GRIK1: variants seen among roughly 807,000 people sequenced by gnomAD.
GRIK1 encodes glutamate ionotropic receptor kainate type subunit 1.
GRIK1 carries 69 observed loss-of-function variants against 105.7 expected under a neutral mutation model. The ratio of observed to expected loss-of-function variants is 0.65; its 90% CI spans 0.54 to 0.80. GRIK1 has a LOEUF of 0.80. GRIK1 is among the 30% of genes least tolerant of loss of function. GRIK1 has a pLI of 0.00. For missense variants in GRIK1, 1,109 were observed against 1,167.3 expected (o/e 0.95, Z 0.73); for synonymous variants, 438 against 431.3 (o/e 1.02, Z -0.19).
chr21:29,835,539 A>G (rs2067772133), intron 1 of GRIK1, among the ~76,000 whole-genome samples: 1 of 152,156 alleles, frequency 6.6e-6, no homozygotes, highest in Admixed American at 6.5e-5. Context: ...GAGCCTCTGA[A>G]TCCCACAATC....
chr21:29,751,203 G>A (rs1305245172), intron 1 of GRIK1, among the ~76,000 whole-genome samples: 1 of 152,130 alleles, frequency 6.6e-6, no homozygotes, highest in African/African-American at 2.4e-5. Flanking sequence ...GGATATGATG[G>A]CTTAGCTTGG....
At chr21:29,868,440 C>T (rs547346947) in intron 1 of GRIK1, among the ~76,000 whole-genome samples, 3 of 152,264 alleles carry the variant, frequency 2.0e-5, no homozygotes, top group South Asian at 4.2e-4. Context: ...TGTTACAAAG[C>T]GGTATAATGT....
At chr21:29,749,666 G>T (rs1225791570) in intron 1 of GRIK1, among the ~76,000 whole-genome samples, 1 of 152,164 alleles carries the variant, frequency 6.6e-6, no homozygotes. Context: ...TTTGACCGAG[G>T]ATTATTTCTA....
chr21:29,896,630 G>C (rs1390170666), intron 1 of GRIK1, among the ~76,000 whole-genome samples: 1 of 152,132 alleles, frequency 6.6e-6, no homozygotes, highest in Non-Finnish European at 1.5e-5. Flanking sequence ...TGTGAATTTT[G>C]CTAATATTTT....
At chr21:29,698,127 A>G (rs1415032183) in intron 1 of GRIK1, among the ~76,000 whole-genome samples, 1 of 151,404 alleles carries the variant, frequency 6.6e-6, no homozygotes, top group Non-Finnish European at 1.5e-5. Flanking sequence ...GCTGTCAATG[A>G]GACGTCTGAA....
chr21:29,805,842 T>C (rs945970286), intron 1 of GRIK1, among the ~76,000 whole-genome samples: 1 of 152,168 alleles, frequency 6.6e-6, no homozygotes, highest in African/African-American at 2.4e-5. Context: ...TGATCACTGA[T>C]ATAGGTAGTC....
At chr21:29,842,565 T>A (rs539611651) in intron 1 of GRIK1, among the ~76,000 whole-genome samples, 59 of 152,178 alleles carry the variant, frequency 3.9e-4, no homozygotes, top group Non-Finnish European at 7.6e-4. Flanking sequence ...GAGCAGTATG[T>A]TCTTGGTACT....
At chr21:29,773,218 T>TG (rs2065857163) in intron 1 of GRIK1, among the ~76,000 whole-genome samples, 2 of 152,216 alleles carry the variant, frequency 1.3e-5, no homozygotes, top group Non-Finnish European at 2.9e-5. Flanking sequence ...TGTAAGTCCT[T>TG]CTTCTGAACA....
intron 1 of GRIK1, among the ~76,000 whole-genome samples, chr21:29,913,937 G>A (rs2070907366): frequency 6.6e-6 from 1 of 151,738 alleles, no homozygotes; most frequent in African/African-American, 2.4e-5. Context: ...ACCACTAACA[G>A]CCTTTTTGTA....
chr21:29,636,409 G>A (rs1411324086), intron 7 of GRIK1, among the ~76,000 whole-genome samples: 1 of 152,142 alleles, frequency 6.6e-6, no homozygotes, highest in Non-Finnish European at 1.5e-5. Context: ...AATAGAATTG[G>A]CTTTGCTGTT....
At chr21:29,644,791 T>C (rs1340806780) in intron 6 of GRIK1, among the ~76,000 whole-genome samples, 2 of 152,248 alleles carry the variant, frequency 1.3e-5, no homozygotes, top group Admixed American at 1.3e-4. Context: ...TACTGGCAGA[T>C]TGAGACTTTT....
intron 7 of GRIK1, chr21:29,630,478 A>G: frequency 2.1e-6 from 1 of 471,280 alleles, no homozygotes; most frequent in South Asian, 1.6e-5. Flanking sequence ...GACCTAATCA[A>G]AATAGTTCTT....
chr21:29,796,472 G>C (rs1412046259), intron 1 of GRIK1, among the ~76,000 whole-genome samples: 1 of 151,856 alleles, frequency 6.6e-6, no homozygotes, highest in African/African-American at 2.4e-5. Flanking sequence ...AATTATATCT[G>C]TATAATATAT....
chr21:29,937,411 A>G (rs2071800029), intron 1 of GRIK1, among the ~76,000 whole-genome samples: 1 of 152,212 alleles, frequency 6.6e-6, no homozygotes, highest in Non-Finnish European at 1.5e-5. Context: ...CCATTTAGAA[A>G]AAAGAAAACC....
chr21:29,778,132 A>G (rs959595375), intron 1 of GRIK1, among the ~76,000 whole-genome samples: 1 of 152,112 alleles, frequency 6.6e-6, no homozygotes, highest in African/African-American at 2.4e-5. Flanking sequence ...CAGTTCTCCT[A>G]CCTCCTGTCT....
chr21:29,557,854 A>G (rs1039356653), intron 15 of GRIK1, among the ~76,000 whole-genome samples: 12 of 152,206 alleles, frequency 7.9e-5, no homozygotes, highest in African/African-American at 2.7e-4. Context: ...AGTGCTTTGA[A>G]GAGTGTAAGA....
intron 1 of GRIK1, among the ~76,000 whole-genome samples, chr21:29,721,688 A>C (rs1176058966): frequency 6.6e-6 from 1 of 152,150 alleles, no homozygotes; most frequent in East Asian, 1.9e-4. Context: ...CAAACAAAAA[A>C]CTACCTTAGA....
chr21:29,659,033 G>T (rs995495722), intron 4 of GRIK1, among the ~76,000 whole-genome samples: 1 of 152,096 alleles, frequency 6.6e-6, no homozygotes, highest in African/African-American at 2.4e-5. Context: ...AAAATTACGG[G>T]TCTTCCATTG....
intron 3 of GRIK1, among the ~76,000 whole-genome samples, chr21:29,676,591 C>A (rs1016485087): frequency 2.6e-5 from 4 of 152,098 alleles, no homozygotes; most frequent in African/African-American, 9.7e-5. Flanking sequence ...GTGTGGATGC[C>A]AGCCCTGATG....
Sources: gnomAD v4.1 joint callset for allele counts (sites outside exome capture counted in the v4.1 genomes callset) on GRCh38, gnomAD v4.1.1 for gene constraint, MANE v1.5 for transcripts, NCBI Gene and HGNC (gene_info 2026-07-23, HGNC 2026-07-21) for gene names.